NCEH1: variants seen among roughly 807,000 people sequenced by gnomAD.
The protein encoded by NCEH1 is 2-acetyl MAGE hydrolase.
NCEH1 carries 9 observed loss-of-function variants against 25.4 expected under a neutral mutation model. The ratio of observed to expected loss-of-function variants is 0.35; its 90% CI spans 0.21 to 0.62. NCEH1 has a LOEUF of 0.62. NCEH1 is among the 20% of genes least tolerant of loss of function. The pLI, the probability that NCEH1 is intolerant of heterozygous loss-of-function variation, is 0.72. For missense variants in NCEH1, 412 were observed against 501.1 expected (o/e 0.82, Z 1.70); for synonymous variants, 200 against 199.8 (o/e 1.00, Z -0.01).
At position 172,683,281 on chromosome 3, in the gene NCEH1, T is replaced by C. The variant is rs1191225089; in HGVS notation, c.138+27566A>G. Among the ~76,000 whole-genome samples, 2 of 116,458 alleles carry C rather than the reference T, an allele frequency of 1.7e-5. 1 individual carries two copies. The allele number at this position is 116,458 out of a possible 152,430, so 76.4% of individuals were successfully genotyped here. On this transcript the variant is annotated intron_variant, in intron 1 of 4. Transcript: ENST00000475381. ...AGCCAGGCGTAGTGGCGGGCGCCTG[T>C]AGTCCCAGCTACTTGGGAGGCTGAG...
At chr3:172,684,782 A>G (rs924346492) in intron 1 of NCEH1, among the ~76,000 whole-genome samples, 1 of 152,062 alleles carries the variant, frequency 6.6e-6, no homozygotes, top group African/African-American at 2.4e-5. Context: ...GGAGTTTGAC[A>G]CCAGCCTGGC....
intron 1 of NCEH1, among the ~76,000 whole-genome samples, chr3:172,656,896 G>A (rs1038019996): frequency 6.6e-6 from 1 of 152,126 alleles, no homozygotes; most frequent in South Asian, 2.1e-4. Flanking sequence ...CAATGCCAAT[G>A]CCGATGCCAA....
intron 1 of NCEH1, among the ~76,000 whole-genome samples, chr3:172,685,976 G>A (rs905610769): frequency 2.0e-5 from 3 of 152,200 alleles, no homozygotes; most frequent in African/African-American, 7.2e-5. Context: ...ATGAGAGCAG[G>A]CTGAAGAGTT....
At chr3:172,658,671 A>C (rs2860930) in intron 1 of NCEH1, among the ~76,000 whole-genome samples, 76,665 of 151,850 alleles carry the variant, frequency 0.5, 21,668 homozygotes, top group African/African-American at 0.78. Flanking sequence ...TACTGCCACT[A>C]CATAACAAAA....
chr3:172,700,727 G>A (rs1173902844), intron 1 of NCEH1, among the ~76,000 whole-genome samples: 1 of 151,994 alleles, frequency 6.6e-6, no homozygotes, highest in Admixed American at 6.6e-5. Context: ...GCCTCAAGGG[G>A]TCTCCTGCCT....
At chr3:172,648,439 C>CT (rs1237914023) in intron 1 of NCEH1, among the ~76,000 whole-genome samples, 3 of 151,740 alleles carry the variant, frequency 2.0e-5, no homozygotes, top group African/African-American at 7.3e-5. Flanking sequence ...GATTCAGTAC[C>CT]TTTTTTTTCT....
rs375047347 is a variant in NCEH1 at position 172,704,623 on chromosome 3, T to C, written c.138+6224A>G. ...GTGATCACTTCCAGGGTTTTAATTT[T>C]ATTAAACACTGAAAGAGAGCTTGTT... On this transcript the variant is annotated intron_variant, in intron 1 of 4. Transcript: ENST00000475381. Among the ~76,000 whole-genome samples, 276 of 152,344 alleles carry C rather than the reference T, an allele frequency of 1.8e-3. 5 individuals carry two copies. The highest frequency in any genetic ancestry group is 6.5e-3 in the African/African-American group (270 of 41,584).
At chr3:172,663,042 A>C (rs150817684) in intron 1 of NCEH1, among the ~76,000 whole-genome samples, 1,872 of 152,012 alleles carry the variant, frequency 0.012, 41 homozygotes, top group East Asian at 0.092. Flanking sequence ...TAGTTCTTTT[A>C]ATTGTGATGT....
chr3:172,688,330 C>CA (rs11376665), intron 1 of NCEH1, among the ~76,000 whole-genome samples: 28,271 of 66,478 alleles, frequency 0.43, 6,314 homozygotes, highest in African/African-American at 0.61. Flanking sequence ...AACTCCACCT[C>CA]AAAAAAAAAA....
chr3:172,662,855 T>G (rs201768156), intron 1 of NCEH1, among the ~76,000 whole-genome samples: 21 of 108,504 alleles, frequency 1.9e-4, no homozygotes, highest in Admixed American at 1.4e-3. Flanking sequence ...TTCTTCTCTC[T>G]TTTCTTATTA....
At chr3:172,694,760 C>T (rs1576777476) in intron 1 of NCEH1, among the ~76,000 whole-genome samples, 4 of 152,162 alleles carry the variant, frequency 2.6e-5, no homozygotes, top group Non-Finnish European at 5.9e-5. Context: ...TTCTCTGATG[C>T]CTTCTTCCCA....
At chr3:172,690,273 CT>C (rs1413690898) in intron 1 of NCEH1, among the ~76,000 whole-genome samples, 3 of 152,158 alleles carry the variant, frequency 2.0e-5, no homozygotes, top group African/African-American at 4.8e-5. Context: ...TTGCTTACTG[CT>C]CTTTCCCCAG....
chr3:172,682,907 C>T (rs1712467614), intron 1 of NCEH1, among the ~76,000 whole-genome samples: 1 of 152,196 alleles, frequency 6.6e-6, no homozygotes, highest in African/African-American at 2.4e-5. Context: ...TGAAAATTAT[C>T]AGAACTCTTC....
chr3:172,703,527 CA>C (rs11462899), intron 1 of NCEH1, among the ~76,000 whole-genome samples: 2,198 of 80,554 alleles, frequency 0.027, 56 homozygotes, highest in African/African-American at 0.097. Context: ...GACTCTGTCT[CA>C]AAAAAAAAAA....
intron 1 of NCEH1, among the ~76,000 whole-genome samples, chr3:172,663,855 C>G (rs561702087): frequency 6.6e-6 from 1 of 152,226 alleles, no homozygotes; most frequent in South Asian, 2.1e-4. Context: ...CTATGTGTGT[C>G]TCTGCATGTG....
At position 172,634,094 on chromosome 3, in the gene NCEH1, TAG is replaced by T. The variant is rs1227864589; in HGVS notation, c.610-4_610-3del. ...TTTTAGGCTGGCATCTTGAGTAAAC[TAG>T]AGAAGAGGAAGCAAATACATTATTT... On this transcript the variant is annotated splice_region_variant and splice_polypyrimidine_tract_variant and intron_variant, in intron 4 of 4. Coordinates refer to ENST00000475381, the MANE Select transcript of NCEH1 (RefSeq NM_020792.6). 2 of 1,610,110 alleles carry T rather than the reference TAG, an allele frequency of 1.2e-6. No individual in the cohort carries two copies. Among genetic ancestry groups the T allele is most frequent in the Non-Finnish European group, 1.7e-6 (2 of 1,178,276 alleles).
At position 172,636,106 on chromosome 3, in the gene NCEH1, T is replaced by C; in HGVS notation, c.438-19A>G. 3 of 1,603,554 alleles carry C rather than the reference T, an allele frequency of 1.9e-6. No homozygotes were observed. The highest frequency in any genetic ancestry group is 2.6e-6 in the Non-Finnish European group (3 of 1,172,662). On this transcript the variant is annotated intron_variant, in intron 3 of 4. Coordinates refer to ENST00000475381, the MANE Select transcript of NCEH1 (RefSeq NM_020792.6). ...CCTGTATCTGTAAAAACAAAAGTTGTATTCATTTAAGGCCTTCTCCAATTT... is the reference window on the plus strand; with the variant it reads ...CCTGTATCTGTAAAAACAAAAGTTGCATTCATTTAAGGCCTTCTCCAATTT...
chr3:172,630,698 G>C lies in NCEH1; in HGVS notation c.*2777C>G, dbSNP rs1716305726. On this transcript the variant is annotated 3_prime_UTR_variant, in exon 5 of 5. Transcript: ENST00000475381. The stretch of plus-strand genomic sequence containing the variant: ...TTATTTCCAAACATGATTCAGAATA[G>C]ATAGATGCTTTGCTACCTCCACACT... The C allele has an allele frequency of 6.6e-6, 1 of 152,064 alleles. No individual in the cohort carries two copies. Among genetic ancestry groups the C allele is most frequent in the South Asian group, 2.1e-4 (1 of 4,828 alleles). 9.4% of individuals were successfully genotyped at this position (152,064 alleles called of 1,614,324 possible). A position where few individuals can be genotyped will look rare whatever the true frequency, so the allele number is the denominator to read the frequency against.
intron 3 of NCEH1, among the ~76,000 whole-genome samples, chr3:172,638,256 C>A (rs1276408532): frequency 9.6e-6 from 1 of 104,706 alleles, no homozygotes; most frequent in African/African-American, 3.7e-5. Flanking sequence ...CCAGCCTGGG[C>A]GACAGAACGA....
Sources: gnomAD v4.1 joint callset for allele counts (sites outside exome capture counted in the v4.1 genomes callset) on GRCh38, gnomAD v4.1.1 for gene constraint, MANE v1.5 for transcripts, NCBI Gene and HGNC (gene_info 2026-07-23, HGNC 2026-07-21) for gene names.